GFRA1: variants seen among roughly 807,000 people sequenced by gnomAD.
GFRA1 encodes the protein GDNF family receptor alpha-1.
A neutral mutation model predicts 51.6 loss-of-function variants in GFRA1; 16 were observed. That is an observed-to-expected ratio of 0.31 (90% CI 0.21 to 0.47). GFRA1 has a LOEUF of 0.47. GFRA1 is among the 20% of genes least tolerant of loss of function. The pLI is 1.00. For missense variants in GFRA1, 530 were observed against 594.3 expected, an observed-to-expected ratio of 0.89 and a Z score of 1.13; for synonymous variants, 270 against 241.3, an observed-to-expected ratio of 1.12 and a Z score of -1.10.
chr10:116,118,887 A>G (rs1957534891), intron 6 of GFRA1, among the ~76,000 whole-genome samples: 1 of 152,208 alleles, frequency 6.6e-6, no homozygotes, highest in African/African-American at 2.4e-5. Context: ...GGAGGGGACC[A>G]GCTGGAGAGA....
intron 5 of GFRA1, among the ~76,000 whole-genome samples, chr10:116,136,262 G>A (rs1338948090): frequency 3.9e-5 from 6 of 152,164 alleles, no homozygotes; most frequent in Non-Finnish European, 7.3e-5. Flanking sequence ...TAAAATTAAT[G>A]AGCACTTCAA....
intron 4 of GFRA1, among the ~76,000 whole-genome samples, chr10:116,251,044 T>G (rs1968303189): frequency 6.6e-6 from 1 of 152,230 alleles, no homozygotes; most frequent in Non-Finnish European, 1.5e-5. Context: ...CACATTCTGA[T>G]TTCCACGTGT....
chr10:116,110,648 A>T (rs1330257203), intron 6 of GFRA1, among the ~76,000 whole-genome samples: 2 of 152,202 alleles, frequency 1.3e-5, no homozygotes, highest in Non-Finnish European at 1.5e-5. Flanking sequence ...GAGACTGTTC[A>T]TCTTCAGCTT....
intron 4 of GFRA1, among the ~76,000 whole-genome samples, chr10:116,225,428 G>T (rs558739967): frequency 1.7e-4 from 25 of 150,204 alleles, no homozygotes; most frequent in Non-Finnish European, 3.3e-4. Context: ...CCTGCTACTC[G>T]GGAGGCTGAG....
rs1457893001 is a variant in GFRA1 at position 116,196,843 on chromosome 10, A to G, written c.433+14788T>C. ...TAAAAATACTTATAAATATATATAT[A>G]TATATTTTTTTTCCCTCCCACAGTT... On this transcript the variant is annotated intron_variant, in intron 5 of 10. Transcript: ENST00000355422. 2.5e-5 allele frequency among the ~76,000 whole-genome samples: 2 copies of G among 80,180 alleles called. 1 individual carries two copies. The highest frequency in any genetic ancestry group is 5.4e-5 in the Non-Finnish European group (2 of 36,862). The allele number at this position is 80,180 out of a possible 152,430, so 52.6% of individuals were successfully genotyped here. A position where few individuals can be genotyped will look rare whatever the true frequency, so the allele number is the denominator to read the frequency against.
chr10:116,197,621 C>CT (rs777246906), intron 5 of GFRA1, among the ~76,000 whole-genome samples: 36 of 152,286 alleles, frequency 2.4e-4, no homozygotes, highest in Admixed American at 9.2e-4. Flanking sequence ...AAGACATCGA[C>CT]TAACCCTATT....
chr10:116,058,813 A>T lies in GFRA1; in HGVS notation c.*5585T>A, dbSNP rs546706997. The T allele has an allele frequency of 6.6e-6, 1 of 152,196 alleles. No homozygotes were observed. The highest frequency in any genetic ancestry group is 2.1e-4 in the South Asian group (1 of 4,820). 9.4% of individuals were successfully genotyped at this position (152,196 alleles called of 1,614,324 possible). On this transcript the variant is annotated 3_prime_UTR_variant, in exon 11 of 11. Coordinates refer to ENST00000355422, the MANE Select transcript of GFRA1 (RefSeq NM_005264.8). ...GTTGCTTCTCAGGATACTGATGGAG[A>T]AGTTGTCACCCCTGGGGTTTGTCTG...
intron 5 of GFRA1, among the ~76,000 whole-genome samples, chr10:116,131,682 G>T (rs929813796): frequency 2.0e-5 from 3 of 152,208 alleles, no homozygotes; most frequent in African/African-American, 7.2e-5. Context: ...TATATATATA[G>T]TTCGGGAATA....
chr10:116,152,966 ACTAAGTGTGTTAT>A (rs1218910827), intron 5 of GFRA1, among the ~76,000 whole-genome samples: 1 of 152,218 alleles, frequency 6.6e-6, no homozygotes, highest in Non-Finnish European at 1.5e-5. Flanking sequence ...TCAGAGCTGG[ACTAAGTGTGTTAT>A]AAACCTGATC....
chr10:116,232,936 T>C (rs953766644), intron 4 of GFRA1, among the ~76,000 whole-genome samples: 1 of 152,192 alleles, frequency 6.6e-6, no homozygotes, highest in Non-Finnish European at 1.5e-5. Context: ...TTTAATTAAA[T>C]ATAGATTGCT....
At chr10:116,263,152 A>G (rs1482869448) in intron 4 of GFRA1, among the ~76,000 whole-genome samples, 3 of 152,124 alleles carry the variant, frequency 2.0e-5, no homozygotes, top group African/African-American at 4.8e-5. Context: ...TTGCTTGTCC[A>G]AGGTAGTTTA....
intron 5 of GFRA1, among the ~76,000 whole-genome samples, chr10:116,132,267 T>C (rs565143010): frequency 6.6e-6 from 1 of 152,168 alleles, no homozygotes; most frequent in African/African-American, 2.4e-5. Flanking sequence ...AAACAAATAT[T>C]GAACACTGGT....
intron 4 of GFRA1, among the ~76,000 whole-genome samples, chr10:116,265,848 C>A (rs946503814): frequency 4.6e-5 from 7 of 152,096 alleles, no homozygotes; most frequent in African/African-American, 1.7e-4. Flanking sequence ...GCCCCTAAAA[C>A]CCACACTAGC....
intron 5 of GFRA1, among the ~76,000 whole-genome samples, chr10:116,148,167 T>C (rs904816428): frequency 6.6e-6 from 1 of 151,818 alleles, no homozygotes; most frequent in Non-Finnish European, 1.5e-5. Flanking sequence ...TTGCCTTTTG[T>C]CTTCCGGTTT....
At chr10:116,219,735 G>A (rs1296575922) in intron 4 of GFRA1, among the ~76,000 whole-genome samples, 1 of 152,176 alleles carries the variant, frequency 6.6e-6, no homozygotes, top group Non-Finnish European at 1.5e-5. Context: ...ATCCATATAT[G>A]CAAAGGGCTG....
chr10:116,250,846 G>A (rs1157945801), intron 4 of GFRA1, among the ~76,000 whole-genome samples: 1 of 152,218 alleles, frequency 6.6e-6, no homozygotes, highest in Non-Finnish European at 1.5e-5. Flanking sequence ...GGCAGCGGAA[G>A]GAGATAATCA....
intron 4 of GFRA1, among the ~76,000 whole-genome samples, chr10:116,264,826 C>T (rs1969540934): frequency 6.6e-6 from 1 of 152,080 alleles, no homozygotes; most frequent in Non-Finnish European, 1.5e-5. Context: ...GAGTAAATAA[C>T]AGGAAACGAA....
chr10:116,111,104 C>T (rs2133966786), intron 6 of GFRA1, among the ~76,000 whole-genome samples: 1 of 152,326 alleles, frequency 6.6e-6, no homozygotes, highest in South Asian at 2.1e-4. Context: ...AAGAGTGGAG[C>T]AAACATGGCA....
intron 5 of GFRA1, among the ~76,000 whole-genome samples, chr10:116,175,888 G>A (rs1156690625): frequency 6.6e-6 from 1 of 152,068 alleles, no homozygotes; most frequent in Non-Finnish European, 1.5e-5. Flanking sequence ...GCATGAAGTC[G>A]AAAAGCAGGC....
Sources: allele counts gnomAD v4.1 joint callset (sites outside exome capture counted in the v4.1 genomes callset), GRCh38; gene constraint gnomAD v4.1.1; transcripts MANE v1.5; gene names NCBI Gene and HGNC (gene_info 2026-07-23, HGNC 2026-07-21).